FANCC: variants seen among roughly 807,000 people sequenced by gnomAD.
The protein encoded by FANCC is Fanconi anemia group C protein.
A neutral mutation model predicts 71.3 loss-of-function variants in FANCC; 55 were observed. That is an observed-to-expected ratio of 0.77 (90% CI 0.62 to 0.97). The LOEUF is 0.97. Ranked by LOEUF, FANCC falls within the 50% of genes least tolerant of loss-of-function variation. The pLI, the probability that FANCC is intolerant of heterozygous loss-of-function variation, is 0.00. For synonymous variants in FANCC, 275 were observed against 244.9 expected (o/e 1.12, Z -1.15); for missense variants, 678 against 670.9 (o/e 1.01, Z -0.12).
intron 4 of FANCC, among the ~76,000 whole-genome samples, chr9:95,179,550 T>C (rs1826213573): frequency 6.6e-6 from 1 of 152,230 alleles, no homozygotes; most frequent in African/African-American, 2.4e-5. Context: ...ATTCACCATG[T>C]TGGCCAGGCT....
At chr9:95,166,132 C>A (rs1831052892) in intron 6 of FANCC, among the ~76,000 whole-genome samples, 1 of 151,984 alleles carries the variant, frequency 6.6e-6, no homozygotes, top group Non-Finnish European at 1.5e-5. Flanking sequence ...AAGTGAGTCT[C>A]TTGTAGCTAG....
At chr9:95,132,534 A>C (rs544097474) in intron 8 of FANCC, among the ~76,000 whole-genome samples, 7 of 152,306 alleles carry the variant, frequency 4.6e-5, no homozygotes, top group African/African-American at 1.7e-4. Context: ...TCTGTACAGT[A>C]AATGACAATC....
chr9:95,224,975 G>A (rs551452709), intron 4 of FANCC, among the ~76,000 whole-genome samples: 1 of 152,256 alleles, frequency 6.6e-6, no homozygotes, highest in East Asian at 1.9e-4. Flanking sequence ...AAATACACTT[G>A]GTTCCTCTGC....
chr9:95,172,050 C>T lies in FANCC; in HGVS notation c.443G>A (p.Gly148Asp). Residue 148 changes from glycine (G) to aspartate (D), a missense_variant, in exon 5 of 15, where the codon GGT (glycine) becomes GAT (aspartate). Transcript: ENST00000289081. ...TTAAATACTCACATTTTTAAGCAAA[C>T]CAGGATAGTAATCTATAGGTGCATA... ...LGYAPIDYYPGLLKNMVLSLA... is the reference protein window; with the variant it reads ...LGYAPIDYYPDLLKNMVLSLA... The T allele has an allele frequency of 6.2e-7, 1 of 1,605,184 alleles. No homozygotes were observed. The highest frequency in any genetic ancestry group is 2.2e-5 in the East Asian group (1 of 44,724).
chr9:95,192,157 C>T (rs767806870), intron 4 of FANCC, among the ~76,000 whole-genome samples: 3 of 152,160 alleles, frequency 2.0e-5, no homozygotes, highest in South Asian at 2.1e-4. Context: ...TCCCACGGTG[C>T]TTCAGCCATG....
rs192522014 is a variant in FANCC, at chr9:95,225,362, G to A, written c.345+15287C>T. Among the ~76,000 whole-genome samples, 6 of 152,254 alleles carry A rather than the reference G, an allele frequency of 3.9e-5. No individual in the cohort carries two copies. In the East Asian group the frequency reaches 1.2e-3, roughly 29 times the overall value. ...CAGGCAATTTAGGTTGAAATACAGT[G>A]AGCTTATGTCTTGGAAATATAGATT... On this transcript the variant is annotated intron_variant, in intron 4 of 14. Transcript: ENST00000289081.
chr9:95,190,402 A>G (rs1341725324), intron 4 of FANCC, among the ~76,000 whole-genome samples: 1 of 152,140 alleles, frequency 6.6e-6, no homozygotes, highest in African/African-American at 2.4e-5. Flanking sequence ...CCTCCTTCTA[A>G]TTACTCCTCA....
chr9:95,122,408 G>T (rs1024060965), intron 10 of FANCC, among the ~76,000 whole-genome samples: 2 of 152,172 alleles, frequency 1.3e-5, no homozygotes, highest in African/African-American at 4.8e-5. Flanking sequence ...CAGTTAAAAA[G>T]ACAGGCACTC....
intron 6 of FANCC, among the ~76,000 whole-genome samples, chr9:95,170,679 T>TGTGTGTGTGTGTGTGTGTGC (rs1554842441): frequency 6.9e-6 from 1 of 144,656 alleles, no homozygotes; most frequent in Non-Finnish European, 1.5e-5. Flanking sequence ...TGTGTGTGTG[T>TGTGTGTGTGTGTGTGTGTGC]TGGGAGCAGA....
intron 1 of FANCC, among the ~76,000 whole-genome samples, chr9:95,271,714 T>C (rs1832732595): frequency 6.6e-6 from 1 of 151,942 alleles, no homozygotes; most frequent in South Asian, 2.1e-4. Flanking sequence ...CAAAGTTACA[T>C]CTTGCTTTTT....
intron 3 of FANCC, among the ~76,000 whole-genome samples, chr9:95,244,797 C>A (rs977828654): frequency 2.7e-5 from 4 of 148,712 alleles, no homozygotes; most frequent in Non-Finnish European, 5.9e-5. Context: ...TGGAACACTT[C>A]GATCACAAGA....
At chr9:95,283,016 C>A (rs1299458009) in intron 1 of FANCC, among the ~76,000 whole-genome samples, 1 of 152,162 alleles carries the variant, frequency 6.6e-6, no homozygotes, top group Non-Finnish European at 1.5e-5. Context: ...CTATTAAATG[C>A]AAATACCCTG....
chr9:95,107,159 T>C lies in FANCC; in HGVS notation c.1440A>G (p.Arg480=), dbSNP rs757477758. ...GCCTGATCAGCTGTTGTGCAGGAGC[T>C]CTGAGGTCTGTGTCTGTGCCCTGTC... ...VAGQGTDTDL[R]APAQQLIRHL... Residue 480 remains arginine (R), a synonymous_variant, in exon 14 of 15, where the codon AGA becomes AGG. Transcript: ENST00000289081. 6.2e-7 allele frequency: 1 copy of C among 1,614,158 alleles called. No homozygotes were observed. Among genetic ancestry groups the C allele is most frequent in the Non-Finnish European group, 8.5e-7 (1 of 1,180,018 alleles).
intron 8 of FANCC, chr9:95,126,848 A>G (rs553850914): frequency 2.5e-5 from 11 of 447,706 alleles, no homozygotes; most frequent in African/African-American, 1.6e-4. Flanking sequence ...CAGGCGATCC[A>G]TAATACAGAA....
At chr9:95,287,142 TAAATATCTTGCCC>T (rs888593013) in intron 1 of FANCC, among the ~76,000 whole-genome samples, 6 of 152,086 alleles carry the variant, frequency 3.9e-5, no homozygotes, top group East Asian at 1.9e-4. Context: ...AAAAGAGAAG[TAAATATCTTGCCC>T]AAATATCTTG....
At chr9:95,295,740 C>G (rs1274720981) in intron 1 of FANCC, among the ~76,000 whole-genome samples, 2 of 150,892 alleles carry the variant, frequency 1.3e-5, no homozygotes, top group Admixed American at 1.3e-4. Context: ...TCATTCCAGC[C>G]TGGGCAACAC....
chr9:95,308,021 A>G (rs1011781644), intron 1 of FANCC, among the ~76,000 whole-genome samples: 29 of 152,220 alleles, frequency 1.9e-4, no homozygotes, highest in African/African-American at 7.0e-4. Flanking sequence ...CTCCATGATA[A>G]TATCAATCCA....
chr9:95,263,518 C>CTATATA lies in FANCC; in HGVS notation c.-78-14155_-78-14150dup, dbSNP rs1005638700. On this transcript the variant is annotated intron_variant, in intron 1 of 14. Coordinates refer to ENST00000289081, the MANE Select transcript of FANCC (RefSeq NM_000136.3). ...TATGTATGTGTATATATATATATAT[C>CTATATA]TATATATATATAGATATAGATAGAT... 2.8e-5 allele frequency among the ~76,000 whole-genome samples: 4 copies of CTATATA among 140,388 alleles called. No homozygotes were observed. In the Admixed American group the frequency reaches 2.9e-4, roughly 10 times the overall value. 92.1% of individuals were successfully genotyped at this position (140,388 alleles called of 152,430 possible). A position where few individuals can be genotyped will look rare whatever the true frequency, so the allele number is the denominator to read the frequency against.
chr9:95,199,929 ACTTAT>A (rs1180653616), intron 4 of FANCC, among the ~76,000 whole-genome samples: 2 of 152,226 alleles, frequency 1.3e-5, no homozygotes, highest in Non-Finnish European at 2.9e-5. Context: ...CTTAATAAAC[ACTTAT>A]CTTATTTTTA....
Sources: allele counts gnomAD v4.1 joint callset (sites outside exome capture counted in the v4.1 genomes callset), GRCh38; gene constraint gnomAD v4.1.1; transcripts MANE v1.5; gene names NCBI Gene and HGNC (gene_info 2026-07-23, HGNC 2026-07-21).